ZNF516: variants seen among roughly 807,000 people sequenced by gnomAD.
ZNF516 encodes the protein zinc finger protein 516.
ZNF516 carries 19 observed loss-of-function variants against 79.7 expected under a neutral mutation model. The observed-to-expected ratio is 0.24, with a 90% confidence interval of 0.17 to 0.35. ZNF516 has a LOEUF of 0.35. Ranked by LOEUF, ZNF516 falls within the 10% of genes least tolerant of loss-of-function variation. ZNF516 has a pLI of 1.00. For synonymous variants in ZNF516, 877 were observed against 739.5 expected, an observed-to-expected ratio of 1.19 and a Z score of -3.02; for missense variants, 1,678 against 1,679.5, an observed-to-expected ratio of 1.00 and a Z score of 0.02.
intron 1 of ZNF516, among the ~76,000 whole-genome samples, chr18:76,469,271 T>C (rs1260475669): frequency 6.6e-6 from 1 of 152,168 alleles, no homozygotes; most frequent in African/African-American, 2.4e-5. Flanking sequence ...CCCAAACATA[T>C]GATTATTAAG....
At chr18:76,409,498 C>CA (rs1568268625) in intron 3 of ZNF516, among the ~76,000 whole-genome samples, 1 of 151,908 alleles carries the variant, frequency 6.6e-6, no homozygotes, top group Non-Finnish European at 1.5e-5. Flanking sequence ...ATTAGTGTTG[C>CA]AAAAAAAGAA....
intron 1 of ZNF516, among the ~76,000 whole-genome samples, chr18:76,472,861 C>T (rs1351499739): frequency 1.3e-5 from 2 of 152,186 alleles, no homozygotes; most frequent in East Asian, 3.8e-4. Context: ...ACATGCGATC[C>T]TTACCTGTCT....
At chr18:76,488,539 G>GGAGGGA (rs976069836) in intron 1 of ZNF516, among the ~76,000 whole-genome samples, 2 of 146,500 alleles carry the variant, frequency 1.4e-5, no homozygotes, top group Non-Finnish European at 3.0e-5. Context: ...AGGGGGAGGG[G>GGAGGGA]GAGGGACAGC....
rs534302370 is a variant in ZNF516 at position 76,494,409 on chromosome 18, G to A, written c.-272+735C>T. ...GCACCCGGCGGGGCGCAGCTCCGAG[G>A]AGTCCCTGCCCACCCCTCTCCGAGT... On this transcript the variant is annotated intron_variant, in intron 1 of 6. Coordinates refer to ENST00000443185, the MANE Select transcript of ZNF516 (RefSeq NM_014643.4). Among the ~76,000 whole-genome samples, 1,127 of 150,112 alleles carry A rather than the reference G, an allele frequency of 7.5e-3. 19 individuals are homozygous for A. The highest frequency in any genetic ancestry group is 0.027 in the African/African-American group (1,081 of 40,680).
At chr18:76,495,828 C>A, upstream of ZNF516, 2 of 939,764 alleles carry the variant, frequency 2.1e-6, no homozygotes, top group Non-Finnish European at 2.7e-6. Flanking sequence ...GCGTGTCACT[C>A]AACTTCCTGG....
chr18:76,423,070 C>T (rs1314983951), intron 3 of ZNF516, among the ~76,000 whole-genome samples: 2 of 152,122 alleles, frequency 1.3e-5, no homozygotes, highest in Non-Finnish European at 2.9e-5. Context: ...CTGGAACACT[C>T]GGAGACCCCA....
At chr18:76,425,950 C>A (rs1050358750) in intron 3 of ZNF516, among the ~76,000 whole-genome samples, 1 of 152,198 alleles carries the variant, frequency 6.6e-6, no homozygotes, top group African/African-American at 2.4e-5. Flanking sequence ...CTGCTCTTCG[C>A]GGCACAGGGA....
At chr18:76,461,893 T>C (rs1320679734) in intron 2 of ZNF516, among the ~76,000 whole-genome samples, 3 of 152,306 alleles carry the variant, frequency 2.0e-5, no homozygotes, top group Middle Eastern at 3.4e-3. Context: ...CAGCCTCACC[T>C]GGATGGGAAG....
intron 1 of ZNF516, chr18:76,492,468 C>G (rs966177466): frequency 4.4e-6 from 3 of 678,330 alleles, no homozygotes; most frequent in Non-Finnish European, 5.5e-6. Flanking sequence ...GCCACGAGCG[C>G]TTCACCTTCT....
chr18:76,434,392 G>A (rs930368675), intron 3 of ZNF516, among the ~76,000 whole-genome samples: 2 of 152,160 alleles, frequency 1.3e-5, no homozygotes, highest in African/African-American at 4.8e-5. Context: ...AGCAGGGAAA[G>A]GAGAATTAAA....
chr18:76,436,447 G>T (rs762660732), intron 3 of ZNF516, among the ~76,000 whole-genome samples: 1 of 152,090 alleles, frequency 6.6e-6, no homozygotes, highest in Non-Finnish European at 1.5e-5. Flanking sequence ...GACCCATGAT[G>T]AACACTGTGT....
chr18:76,490,666 C>A, intron 1 of ZNF516: 1 of 628,422 alleles, frequency 1.6e-6, no homozygotes, highest in Non-Finnish European at 2.0e-6. Flanking sequence ...GTACATCACT[C>A]AGCTTTTAAA....
chr18:76,457,383 A>G (rs1285269161), intron 2 of ZNF516, among the ~76,000 whole-genome samples: 1 of 152,242 alleles, frequency 6.6e-6, no homozygotes, highest in Non-Finnish European at 1.5e-5. Flanking sequence ...CGTTAACTAA[A>G]TAAGAAATCT....
At chr18:76,486,102 TG>T (rs1914818414) in intron 1 of ZNF516, among the ~76,000 whole-genome samples, 1 of 152,184 alleles carries the variant, frequency 6.6e-6, no homozygotes, top group Non-Finnish European at 1.5e-5. Context: ...CAGCATTGAA[TG>T]GCAAACTATT....
At chr18:76,464,256 C>G (rs1052816668) in intron 1 of ZNF516, among the ~76,000 whole-genome samples, 1 of 152,122 alleles carries the variant, frequency 6.6e-6, no homozygotes, top group African/African-American at 2.4e-5. Flanking sequence ...CCTGTAGTCC[C>G]AGTCACTCGG....
chr18:76,492,305 C>T (rs1915278453), intron 1 of ZNF516: 1 of 985,370 alleles, frequency 1.0e-6, no homozygotes, highest in Non-Finnish European at 1.2e-6. Context: ...CACATCACTA[C>T]CGATATTCCT....
chr18:76,466,142 G>A (rs1018911120), intron 1 of ZNF516, among the ~76,000 whole-genome samples: 46 of 152,082 alleles, frequency 3.0e-4, no homozygotes, highest in African/African-American at 9.2e-4. Flanking sequence ...AAACCATCAC[G>A]TTCCCTTAGG....
At chr18:76,448,086 C>T (rs1912169317) in intron 2 of ZNF516, among the ~76,000 whole-genome samples, 1 of 152,066 alleles carries the variant, frequency 6.6e-6, no homozygotes, top group Non-Finnish European at 1.5e-5. Flanking sequence ...CATAAAAATA[C>T]ATTGTAACGG....
At chr18:76,454,309 G>A (rs997447793) in intron 2 of ZNF516, among the ~76,000 whole-genome samples, 2 of 152,164 alleles carry the variant, frequency 1.3e-5, no homozygotes, top group African/African-American at 2.4e-5. Context: ...AAACAGATAC[G>A]CTGAAACTAA....
Sources: allele counts gnomAD v4.1 joint callset (sites outside exome capture counted in the v4.1 genomes callset), GRCh38; gene constraint gnomAD v4.1.1; transcripts MANE v1.5; gene names NCBI Gene and HGNC (gene_info 2026-07-23, HGNC 2026-07-21).